The following PTGER4 variants were observed in gnomAD, a reference collection of about 807,000 sequenced individuals.
PTGER4 encodes prostaglandin E receptor 4, also known as prostaglandin E2 receptor EP4 subtype.
A neutral mutation model predicts 33.2 loss-of-function variants in PTGER4; 11 were observed. That is an observed-to-expected ratio of 0.33 (90% confidence interval 0.21 to 0.55). PTGER4 has a LOEUF of 0.55. Ranked by LOEUF, PTGER4 falls within the 20% of genes least tolerant of loss-of-function variation. The pLI, the probability that PTGER4 is intolerant of heterozygous loss-of-function variation, is 0.92. For missense variants in PTGER4, 481 were observed against 650.2 expected, an observed-to-expected ratio of 0.74 and a Z score of 2.83; for synonymous variants, 275 against 281.5, an observed-to-expected ratio of 0.98 and a Z score of 0.23.
At chr5:40,718,445 T>C in the PTGER4 span, among the ~76,000 whole-genome samples, 1 of 150,554 alleles carries the variant, frequency 6.6e-6, no homozygotes, top group South Asian at 2.1e-4. Context: ...GAGATAGGTA[T>C]ATAAAGCAGT....
In PTGER4 at chr5:40,681,431, C is replaced by T. The variant is rs757460209; in HGVS notation, c.438C>T (p.Ser146=). Residue 146 remains serine (S), a synonymous_variant, in exon 2 of 3, where the codon TCC becomes TCT. Coordinates refer to ENST00000302472, the MANE Select transcript of PTGER4 (RefSeq NM_000958.3). The surrounding 1 kb of genome is among the most constrained non-coding windows in gnomAD (Gnocchi z 9.8). ...TCACGCTCTTTGCAGTCTATGCGTC[C>T]AACGTGCTCTTTTGCGCGCTGCCCA... The part of the protein sequence containing the change: ...AGLTLFAVYA[S]NVLFCALPNM... 6.2e-7 allele frequency: 1 copy of T among 1,613,980 alleles called. No individual in the cohort carries two copies. The highest frequency in any genetic ancestry group is 8.5e-7 in the Non-Finnish European group (1 of 1,180,038).
chr5:40,681,742 G>T lies in PTGER4; in HGVS notation c.749G>T (p.Arg250Leu), dbSNP rs1048353597. 3 of 1,595,152 alleles carry T rather than the reference G, an allele frequency of 1.9e-6. No homozygotes were observed. Among genetic ancestry groups the T allele is most frequent in the Non-Finnish European group, 1.7e-6 (2 of 1,175,550 alleles). The change falls in exon 2 of 3, where the codon CGC (arginine) becomes CTC (leucine). Residue 250 changes from arginine to leucine, a missense_variant. By Grantham distance (102) the Arg-to-Leu change is moderately radical. Coordinates refer to ENST00000302472, the MANE Select transcript of PTGER4 (RefSeq NM_000958.3). The surrounding 1 kb of genome is among the most constrained non-coding windows in gnomAD (Gnocchi z 9.8). ...CCCGCTGCCTCCCCAGCCTTGCCGC[G>T]CCTCAGCGACTTTCGGCGCCGCCGG... ...GHPAASPALPRLSDFRRRRSF... is the reference protein window; with the variant it reads ...GHPAASPALPLLSDFRRRRSF...
chr5:40,692,143 G>A lies in PTGER4; in HGVS notation c.1232G>A (p.Gly411Asp), dbSNP rs962367482. 2 of 1,614,226 alleles carry A rather than the reference G, an allele frequency of 1.2e-6. No homozygotes were observed. The highest frequency in any genetic ancestry group is 1.3e-5 in the African/African-American group (1 of 75,064). The change falls in exon 3 of 3, where the codon GGC becomes GAC. Residue 411 changes from glycine (G) to aspartate (D), a missense_variant. Around this residue, in one of 7 missense-constraint regions of PTGER4, gnomAD observed 172 missense variants for 199.2 expected, o/e 0.86. Coordinates refer to ENST00000302472, the MANE Select transcript of PTGER4 (RefSeq NM_000958.3). Reference protein sequence around the residue: ...LPDLSENGLGGRNLLPGVPGM... With the variant: ...LPDLSENGLGDRNLLPGVPGM... ...GACCTCAGTGAAAATGGCCTTGGAG[G>A]CAGGAATTTGCTTCCAGGTGTGCCT...
At chr5:40,728,493 A>G in the PTGER4 span, 1 of 1,577,478 alleles carries the variant, frequency 6.3e-7, no homozygotes. Flanking sequence ...GCAAAAAAAG[A>G]CCAAAAAATC....
chr5:40,683,576 G>C lies in PTGER4; in HGVS notation c.867+1716G>C, dbSNP rs755116284. ...TTATTTTCAGAACATCCACTTAAAG[G>C]GACAGAGGAATTAGAGCTAGAAGGT... On this transcript the variant is annotated intron_variant, in intron 2 of 2. Coordinates refer to ENST00000302472, the MANE Select transcript of PTGER4 (RefSeq NM_000958.3). The surrounding 1 kb of genome is among the most constrained non-coding windows in gnomAD (Gnocchi z 4.2). Among the ~76,000 whole-genome samples, 21 of 152,194 alleles carry C rather than the reference G, an allele frequency of 1.4e-4. No individual in the cohort carries two copies. The highest frequency in any genetic ancestry group is 2.8e-4 in the Non-Finnish European group (19 of 68,028).
At chr5:40,745,283 T>G in the PTGER4 span, among the ~76,000 whole-genome samples, 1 of 149,926 alleles carries the variant, frequency 6.7e-6, no homozygotes, top group Non-Finnish European at 1.5e-5. Flanking sequence ...TTAATTTTTG[T>G]AGGTTTGATA....
intron 2 of PTGER4, among the ~76,000 whole-genome samples, chr5:40,684,627 G>A (rs893358378): frequency 1.3e-5 from 2 of 152,146 alleles, no homozygotes; most frequent in African/African-American, 4.8e-5. Context: ...AGATTGGAGT[G>A]GAAATTTGAG....
the PTGER4 span, among the ~76,000 whole-genome samples, chr5:40,722,322 C>T: frequency 2.6e-5 from 4 of 152,188 alleles, no homozygotes; most frequent in Non-Finnish European, 4.4e-5. Flanking sequence ...TCTGCCCGGC[C>T]GCCACCCCGT....
rs1427454138 is a variant in PTGER4, at chr5:40,680,955, A to G, written c.-39A>G. 6.4e-7 allele frequency: 1 copy of G among 1,565,994 alleles called. No individual in the cohort carries two copies. The highest frequency in any genetic ancestry group is 8.7e-7 in the Non-Finnish European group (1 of 1,155,586). On this transcript the variant is annotated 5_prime_UTR_variant, in exon 2 of 3. Transcript: ENST00000302472. This position sits in a 1 kb window ranked among gnomAD's most constrained non-coding sequence, Gnocchi z 5.5. ...TCTCTCTTCTACCATCCCCAGACCC[A>G]GCCTTGCACTCCAAGGCTGCGCACC...
At chr5:40,707,862 T>G in the PTGER4 span, among the ~76,000 whole-genome samples, 6 of 152,086 alleles carry the variant, frequency 3.9e-5, no homozygotes, top group Admixed American at 1.3e-4. Flanking sequence ...AAACTAGAAC[T>G]CAGGATTAAG....
the PTGER4 span, among the ~76,000 whole-genome samples, chr5:40,711,085 G>GTGTATATATATA: frequency 7.3e-5 from 11 of 150,234 alleles, no homozygotes; most frequent in African/African-American, 2.7e-4. Context: ...ATAAAAATAT[G>GTGTATATATATA]TATATATATA....
chr5:40,744,397 A>T, the PTGER4 span, among the ~76,000 whole-genome samples: 3 of 152,202 alleles, frequency 2.0e-5, no homozygotes, highest in Non-Finnish European at 4.4e-5. Context: ...CAAAAATAAA[A>T]ACAGACCTAA....
chr5:40,744,740 T>C, the PTGER4 span, among the ~76,000 whole-genome samples: 2 of 152,128 alleles, frequency 1.3e-5, no homozygotes, highest in Non-Finnish European at 2.9e-5. Context: ...ACAATTCTTA[T>C]ACTGTCAAGT....
chr5:40,708,526 T>G, the PTGER4 span, among the ~76,000 whole-genome samples: 1 of 152,140 alleles, frequency 6.6e-6, no homozygotes, highest in South Asian at 2.1e-4. Flanking sequence ...GCTCTGAAAT[T>G]GAGGCAATAA....
chr5:40,746,030 A>G, the PTGER4 span, among the ~76,000 whole-genome samples: 3 of 152,140 alleles, frequency 2.0e-5, no homozygotes, highest in Admixed American at 2.0e-4. Flanking sequence ...CAAATTTTTA[A>G]TCCCTCCAGG....
chr5:40,717,801 C>T, the PTGER4 span, among the ~76,000 whole-genome samples: 6 of 152,184 alleles, frequency 3.9e-5, no homozygotes, highest in South Asian at 2.1e-4. Context: ...CCATGGCTCA[C>T]GCCTGTAATC....
intron 2 of PTGER4, among the ~76,000 whole-genome samples, chr5:40,688,207 C>G (rs1741375499): frequency 6.6e-6 from 1 of 152,062 alleles, no homozygotes; most frequent in African/African-American, 2.4e-5. Context: ...TTTTCAGTGT[C>G]AAAAATCTCA....
the PTGER4 span, among the ~76,000 whole-genome samples, chr5:40,732,772 C>A: frequency 6.6e-6 from 1 of 152,068 alleles, no homozygotes; most frequent in Non-Finnish European, 1.5e-5. Context: ...CCACACCTGG[C>A]TAATTTTTGT....
chr5:40,719,832 A>G, the PTGER4 span, among the ~76,000 whole-genome samples: 7 of 152,304 alleles, frequency 4.6e-5, no homozygotes, highest in Non-Finnish European at 8.8e-5. Context: ...CTGTGTGTGT[A>G]TCTTCTTTGG....
Sources: allele counts gnomAD v4.1 joint callset (sites outside exome capture counted in the v4.1 genomes callset), GRCh38; gene constraint gnomAD v4.1.1; regional missense constraint gnomAD v4.1.1; non-coding constraint Gnocchi (gnomAD v3.1); transcripts MANE v1.5; gene names NCBI Gene and HGNC (gene_info 2026-07-23, HGNC 2026-07-21).